Variants in TMEM117 observed in about 807,000 individuals in gnomAD.
TMEM117 encodes transmembrane protein 117.
Under a neutral mutation model 52.4 loss-of-function variants are expected in TMEM117, and 27 were observed. That is an observed-to-expected ratio of 0.51 (90% confidence interval 0.38 to 0.71). The LOEUF is 0.71. Ranked by LOEUF, TMEM117 falls within the 30% of genes least tolerant of loss-of-function variation. TMEM117 has a pLI of 0.00. For missense variants in TMEM117, 556 were observed against 630.5 expected (o/e 0.88, Z 1.26); for synonymous variants, 215 against 206.3 (o/e 1.04, Z -0.36).
intron 5 of TMEM117, among the ~76,000 whole-genome samples, chr12:44,228,887 T>C (rs536159714): frequency 2.0e-5 from 3 of 152,092 alleles, no homozygotes; most frequent in Non-Finnish European, 2.9e-5. Flanking sequence ...CAGAAACCCA[T>C]TGTGAAATTT....
At position 44,388,016 on chromosome 12, in the gene TMEM117, T is replaced by C. The variant is rs754594263; in HGVS notation, c.899-10T>C. Reference sequence around the variant, plus strand: ...CCTTTGATTAATGCAGTATTTCTTTTTTAATGCAGGCAAATGGTTTAACTA... The same window carrying C: ...CCTTTGATTAATGCAGTATTTCTTTCTTAATGCAGGCAAATGGTTTAACTA... On this transcript the variant is annotated splice_polypyrimidine_tract_variant and intron_variant, in intron 7 of 7. Coordinates refer to ENST00000266534, the MANE Select transcript of TMEM117 (RefSeq NM_032256.3). 1.9e-6 allele frequency: 3 copies of C among 1,593,848 alleles called. No homozygotes were observed. Among genetic ancestry groups the C allele is most frequent in the East Asian group, 4.5e-5 (2 of 44,588 alleles).
chr12:43,895,001 C>G (rs1426559615), intron 2 of TMEM117, among the ~76,000 whole-genome samples: 1 of 151,918 alleles, frequency 6.6e-6, no homozygotes, highest in Non-Finnish European at 1.5e-5. Flanking sequence ...CTTTTTTTAA[C>G]TTTTATTTTA....
intron 3 of TMEM117, among the ~76,000 whole-genome samples, chr12:44,097,438 C>T (rs112029939): frequency 0.12 from 18,655 of 151,712 alleles, 1,404 homozygotes; most frequent in African/African-American, 0.21. Flanking sequence ...CGGCACTATT[C>T]ACAATAGCAA....
chr12:43,899,973 T>G (rs1180448700), intron 2 of TMEM117, among the ~76,000 whole-genome samples: 3 of 152,206 alleles, frequency 2.0e-5, no homozygotes, highest in Non-Finnish European at 4.4e-5. Flanking sequence ...TGGTAAGCAT[T>G]CAGTGAGTGT....
intron 3 of TMEM117, among the ~76,000 whole-genome samples, chr12:44,099,852 A>G (rs978835822): frequency 2.6e-5 from 4 of 152,156 alleles, no homozygotes; most frequent in Admixed American, 2.0e-4. Flanking sequence ...TAAAAAGGCT[A>G]AAATGAGCCT....
chr12:44,042,018 A>C (rs1418649180), intron 3 of TMEM117, among the ~76,000 whole-genome samples: 1 of 152,078 alleles, frequency 6.6e-6, no homozygotes, highest in South Asian at 2.1e-4. Flanking sequence ...AGAGAGAAAT[A>C]AAAAAGTCAT....
intron 2 of TMEM117, among the ~76,000 whole-genome samples, chr12:43,892,797 A>C (rs1944131331): frequency 6.6e-6 from 1 of 152,254 alleles, no homozygotes. Context: ...TAAAGAGATA[A>C]ATGAAAAATG....
intron 2 of TMEM117, among the ~76,000 whole-genome samples, chr12:43,870,602 G>A (rs1943686942): frequency 6.6e-6 from 1 of 151,948 alleles, no homozygotes; most frequent in Admixed American, 6.6e-5. Flanking sequence ...ATTCTTTTGG[G>A]TATATACCCA....
intron 4 of TMEM117, among the ~76,000 whole-genome samples, chr12:44,206,466 A>G (rs960494932): frequency 2.0e-5 from 3 of 152,220 alleles, no homozygotes; most frequent in African/African-American, 7.2e-5. Context: ...CCCAGCAGGC[A>G]TATGCCTAAA....
chr12:44,169,469 G>C (rs1196749457), intron 4 of TMEM117, among the ~76,000 whole-genome samples: 1 of 152,038 alleles, frequency 6.6e-6, no homozygotes, highest in African/African-American at 2.4e-5. Flanking sequence ...ATCTTTTCAT[G>C]TACTTATTGT....
In TMEM117 at chr12:44,333,774, G is replaced by T. The variant is rs370270250; in HGVS notation, c.768+34035G>T. ...ACTAATACACATAGGTACAAGTTGTGGTGATTTGTATTATGGAGAAGTAAA... is the reference window on the plus strand; with the variant it reads ...ACTAATACACATAGGTACAAGTTGTTGTGATTTGTATTATGGAGAAGTAAA... On this transcript the variant is annotated intron_variant, in intron 6 of 7. Transcript: ENST00000266534. 1.3e-4 allele frequency among the ~76,000 whole-genome samples: 20 copies of T among 152,004 alleles called. No homozygotes were observed. In the East Asian group the frequency reaches 1.5e-3, roughly 12 times the overall value.
intron 6 of TMEM117, among the ~76,000 whole-genome samples, chr12:44,315,375 A>G (rs753796815): frequency 5.3e-5 from 8 of 152,096 alleles, no homozygotes; most frequent in Non-Finnish European, 1.0e-4. Context: ...TAACTTCTTG[A>G]AGTAGATGTT....
chr12:44,354,772 C>T (rs1348923427), intron 6 of TMEM117, among the ~76,000 whole-genome samples: 1 of 151,638 alleles, frequency 6.6e-6, no homozygotes, highest in Non-Finnish European at 1.5e-5. Flanking sequence ...ACAGGGATGT[C>T]CTCTCTCACC....
chr12:44,181,970 T>C (rs1288095784), intron 4 of TMEM117, among the ~76,000 whole-genome samples: 1 of 152,018 alleles, frequency 6.6e-6, no homozygotes, highest in African/African-American at 2.4e-5. Context: ...ATGATATTGA[T>C]TCTTCCTACC....
chr12:43,957,295 C>A (rs1426889671), intron 3 of TMEM117, among the ~76,000 whole-genome samples: 1 of 151,800 alleles, frequency 6.6e-6, no homozygotes, highest in Non-Finnish European at 1.5e-5. Flanking sequence ...TGCACATGTA[C>A]CCCAGAACTT....
At chr12:44,264,106 A>G (rs1244419008) in intron 5 of TMEM117, 2 of 152,190 alleles carry the variant, frequency 1.3e-5, no homozygotes, top group East Asian at 3.8e-4. Context: ...TATACAAAAG[A>G]TTCAGTGAAT....
At chr12:43,932,220 T>A (rs1412605195) in intron 2 of TMEM117, among the ~76,000 whole-genome samples, 1 of 151,796 alleles carries the variant, frequency 6.6e-6, no homozygotes. Context: ...ATCTTAGGAG[T>A]CTAGATAAAA....
At chr12:44,034,448 T>G (rs1008232820) in intron 3 of TMEM117, among the ~76,000 whole-genome samples, 1 of 152,190 alleles carries the variant, frequency 6.6e-6, no homozygotes, top group African/African-American at 2.4e-5. Flanking sequence ...AAATAATAGT[T>G]GTTAAATTAG....
intron 2 of TMEM117, among the ~76,000 whole-genome samples, chr12:43,910,294 AC>A (rs1363521841): frequency 2.0e-5 from 3 of 150,626 alleles, no homozygotes; most frequent in African/African-American, 7.3e-5. Flanking sequence ...AAATTCAACA[AC>A]CCTTCATGCT....
Sources: gnomAD v4.1 joint callset for allele counts (sites outside exome capture counted in the v4.1 genomes callset) on GRCh38, gnomAD v4.1.1 for gene constraint, MANE v1.5 for transcripts, NCBI Gene and HGNC (gene_info 2026-07-23, HGNC 2026-07-21) for gene names.